OR51B5: variants seen among roughly 807,000 people sequenced by gnomAD.
OR51B5 encodes olfactory receptor family 51 subfamily B member 5, also known as olfactory receptor 51B5.
For missense variants in OR51B5, 456 were observed against 374.6 expected, an observed-to-expected ratio of 1.22 and a Z score of -1.79; for synonymous variants, 186 against 144.8, an observed-to-expected ratio of 1.28 and a Z score of -2.04.
rs143175576 is a variant in OR51B5 at position 5,497,325 on chromosome 11, T to G, written n.84+8244A>C. ...TACTCCAGAGGCTGAGGCAGGAGAA[T>G]CGCTTGCACCTGGGAGGCAGAGGTT... On this transcript the variant is annotated intron_variant and non_coding_transcript_variant, in intron 1 of 4. Transcript: ENST00000415970. Among the ~76,000 whole-genome samples, 1,084 of 152,278 alleles carry G rather than the reference T, an allele frequency of 7.1e-3. 11 individuals carry two copies. Among genetic ancestry groups the G allele is most frequent in the African/African-American group, 0.025 (1,034 of 41,556 alleles).
upstream of OR51B5, among the ~76,000 whole-genome samples, chr11:5,344,218 ATTATAAGTTAGACT>A (rs1177174729): frequency 6.6e-6 from 1 of 152,238 alleles, no homozygotes; most frequent in Non-Finnish European, 1.5e-5. Context: ...GCTCAGTCTA[ATTATAAGTTAGACT>A]TTGGGGCTGG....
intron 1 of OR51B5, among the ~76,000 whole-genome samples, chr11:5,435,091 A>G (rs1310318878): frequency 3.3e-5 from 5 of 152,202 alleles, no homozygotes; most frequent in Non-Finnish European, 7.3e-5. Context: ...AAGGCTATAT[A>G]TTCAGTGATA....
chr11:5,489,342 G>A (rs1364214749), intron 1 of OR51B5: 4 of 1,613,910 alleles, frequency 2.5e-6, no homozygotes, highest in African/African-American at 1.3e-5. Flanking sequence ...CCATGGGACT[G>A]GATTCCATTC....
At chr11:5,361,338 GGAGGA>G (rs1849280888) in intron 1 of OR51B5, among the ~76,000 whole-genome samples, 1 of 152,156 alleles carries the variant, frequency 6.6e-6, no homozygotes, top group Non-Finnish European at 1.5e-5. Context: ...AAAGAAGGAG[GGAGGA>G]GAGAGGAGTG....
intron 1 of OR51B5, among the ~76,000 whole-genome samples, chr11:5,374,500 G>C (rs972258838): frequency 2.2e-4 from 33 of 152,180 alleles, no homozygotes; most frequent in African/African-American, 8.0e-4. Flanking sequence ...TTGACGAGCT[G>C]AGAGAAGAAG....
chr11:5,448,585 A>C (rs1295323804), intron 1 of OR51B5, among the ~76,000 whole-genome samples: 1 of 152,228 alleles, frequency 6.6e-6, no homozygotes, highest in East Asian at 1.9e-4. Context: ...GCTTAAACCA[A>C]GTGGAGAACA....
intron 1 of OR51B5, among the ~76,000 whole-genome samples, chr11:5,418,149 G>GC (rs1850270154): frequency 6.6e-6 from 1 of 151,466 alleles, no homozygotes; most frequent in Non-Finnish European, 1.5e-5. Flanking sequence ...GTAAACTATT[G>GC]CAAGAACAAA....
chr11:5,390,130 G>C (rs1849771667), intron 1 of OR51B5: 5 of 1,613,672 alleles, frequency 3.1e-6, no homozygotes, highest in Non-Finnish European at 3.4e-6. Context: ...CCTCCCAAGA[G>C]GAGCAGCGCC....
rs567519821 is a variant in OR51B5, at chr11:5,412,768, T to G, written n.85-65858A>C. Among the ~76,000 whole-genome samples, 58 of 152,064 alleles carry G rather than the reference T, an allele frequency of 3.8e-4. 1 individual carries two copies. In the East Asian group the frequency reaches 7.0e-3, roughly 18 times the overall value. ...GCACCCGCCATTGCCCAGGCTTGCT[T>G]AGGTAAACAAAGCAGCCGGGAAGCT... On this transcript the variant is annotated intron_variant and non_coding_transcript_variant, in intron 1 of 4. Coordinates refer to the OR51B5 transcript ENST00000415970.
At chr11:5,376,489 A>G (rs1436301469) in intron 1 of OR51B5, among the ~76,000 whole-genome samples, 1 of 152,222 alleles carries the variant, frequency 6.6e-6, no homozygotes, top group African/African-American at 2.4e-5. Flanking sequence ...AAACAGAGAC[A>G]CAAAAAACCC....
chr11:5,396,670 C>T (rs1262685411), intron 1 of OR51B5, among the ~76,000 whole-genome samples: 3 of 151,862 alleles, frequency 2.0e-5, no homozygotes, highest in Non-Finnish European at 4.4e-5. Flanking sequence ...ATCAAGCTAC[C>T]AATGACTTTC....
intron 1 of OR51B5, among the ~76,000 whole-genome samples, chr11:5,503,945 T>C (rs768969381): frequency 6.6e-6 from 1 of 152,196 alleles, no homozygotes; most frequent in African/African-American, 2.4e-5. Flanking sequence ...TAGCTTTAAG[T>C]GATGTACTTC....
In OR51B5 at chr11:5,464,325, AT is replaced by A. The variant is rs200564813; in HGVS notation, n.84+41243del. On this transcript the variant is annotated intron_variant and non_coding_transcript_variant, in intron 1 of 4. Transcript: ENST00000415970. Reference sequence around the variant, plus strand: ...AATTATACTTTAAGTTTTAGGGTACATGTGCACGTTGTGCAGGTTAGTTACA... The same window carrying A: ...AATTATACTTTAAGTTTTAGGGTACAGTGCACGTTGTGCAGGTTAGTTACA... Among the ~76,000 whole-genome samples, 74 of 152,332 alleles carry A rather than the reference AT, an allele frequency of 4.9e-4. 3 individuals are homozygous for A. In the East Asian group the frequency reaches 0.013, roughly 27 times the overall value.
At chr11:5,485,697 C>T (rs1444086018) in intron 1 of OR51B5, among the ~76,000 whole-genome samples, 2 of 152,116 alleles carry the variant, frequency 1.3e-5, no homozygotes, top group African/African-American at 4.8e-5. Context: ...CTTGCTGTCC[C>T]CCTGTCTGAA....
chr11:5,361,925 A>G (rs1483207097), intron 1 of OR51B5, among the ~76,000 whole-genome samples: 1 of 152,160 alleles, frequency 6.6e-6, no homozygotes, highest in Non-Finnish European at 1.5e-5. Context: ...CCCAAAAAAG[A>G]TGAAGTTAGA....
chr11:5,453,703 C>G, intron 1 of OR51B5: 2 of 1,613,854 alleles, frequency 1.2e-6, no homozygotes, highest in Non-Finnish European at 1.7e-6. Flanking sequence ...AGTGATGTGG[C>G]CATATCCATG....
chr11:5,406,153 A>G (rs1166629618), intron 1 of OR51B5, among the ~76,000 whole-genome samples: 4 of 152,204 alleles, frequency 2.6e-5, no homozygotes, highest in Non-Finnish European at 5.9e-5. Flanking sequence ...CTGAGATTGC[A>G]TAGTGAATTC....
intron 1 of OR51B5, among the ~76,000 whole-genome samples, chr11:5,495,374 AC>A (rs1369694054): frequency 6.6e-6 from 1 of 152,248 alleles, no homozygotes; most frequent in Non-Finnish European, 1.5e-5. Context: ...AGTTAAAAAA[AC>A]AAATTTTAAA....
chr11:5,423,341 AT>A (rs1163131478), intron 1 of OR51B5: 2 of 612,616 alleles, frequency 3.3e-6, no homozygotes, highest in Non-Finnish European at 5.4e-6. Flanking sequence ...CAAAAGAGAT[AT>A]GGATCTGAGT....
Sources: gnomAD v4.1 joint callset for allele counts (sites outside exome capture counted in the v4.1 genomes callset) on GRCh38, gnomAD v4.1.1 for gene constraint, MANE v1.5 for transcripts, NCBI Gene and HGNC (gene_info 2026-07-23, HGNC 2026-07-21) for gene names.